ATXN1: variants seen among roughly 807,000 people sequenced by gnomAD.
The protein encoded by ATXN1 is ataxin-1.
ATXN1 carries 8 observed loss-of-function variants against 56.4 expected under a neutral mutation model. The ratio of observed to expected loss-of-function variants is 0.14; its 90% CI spans 0.08 to 0.26. The LOEUF is 0.26. Among genes scored for constraint, ATXN1 ranks in the 10% least tolerant of loss-of-function variants. The pLI is 1.00. For synonymous variants in ATXN1, 514 were observed against 494.6 expected, an observed-to-expected ratio of 1.04 and a Z score of -0.52; for missense variants, 987 against 1,106.5, an observed-to-expected ratio of 0.89 and a Z score of 1.53.
chr6:16,635,676 C>T (rs930769674), intron 3 of ATXN1, among the ~76,000 whole-genome samples: 2 of 152,194 alleles, frequency 1.3e-5, no homozygotes, highest in African/African-American at 4.8e-5. Context: ...ATTCTTTAGG[C>T]AGGACATTGA....
At chr6:16,439,372 GCGGGGCGGGAATAAGGGTT>G (rs1561896196) in intron 6 of ATXN1, among the ~76,000 whole-genome samples, 12 of 28,444 alleles carry the variant, frequency 4.2e-4, no homozygotes, top group African/African-American at 8.4e-4. Flanking sequence ...GGGGCCGGGG[GCGGGGCGGGAATAAGGGTT>G]GGGGTGGGGT....
At chr6:16,381,136 A>G (rs935718267) in intron 6 of ATXN1, among the ~76,000 whole-genome samples, 1 of 152,174 alleles carries the variant, frequency 6.6e-6, no homozygotes, top group Non-Finnish European at 1.5e-5. Context: ...CTATTACAAA[A>G]ATTAGCCTGG....
At position 16,760,690 on chromosome 6, in the gene ATXN1, G is replaced by A. The variant is rs1761061911; in HGVS notation, c.-730+608C>T. Among the ~76,000 whole-genome samples, 1 of 150,938 alleles carries A rather than the reference G, an allele frequency of 6.6e-6. No homozygotes were observed. Among genetic ancestry groups the A allele is most frequent in the Non-Finnish European group, 1.5e-5 (1 of 67,608 alleles). ...CGAGGGGAGACCCCCGCCCCAGGGC[G>A]CCGAGGCCGGGCGACCACCCGCGGA... On this transcript the variant is annotated intron_variant, in intron 1 of 7. Transcript: ENST00000436367. The surrounding 1 kb of genome is among the most constrained non-coding windows in gnomAD (Gnocchi z 5.3).
At chr6:16,431,771 T>C (rs1318090293) in intron 6 of ATXN1, among the ~76,000 whole-genome samples, 3 of 152,246 alleles carry the variant, frequency 2.0e-5, no homozygotes, top group Admixed American at 2.0e-4. Flanking sequence ...TTCGCCACTA[T>C]GCAACTGTGC....
chr6:16,444,111 G>A (rs1391901505), intron 6 of ATXN1, among the ~76,000 whole-genome samples: 6 of 79,826 alleles, frequency 7.5e-5, no homozygotes, highest in South Asian at 4.5e-4. Flanking sequence ...GCGAGGCTCC[G>A]TCTCAAAAAA....
chr6:16,315,454 C>A (rs1760487334), intron 7 of ATXN1, among the ~76,000 whole-genome samples: 1 of 152,196 alleles, frequency 6.6e-6, no homozygotes, highest in African/African-American at 2.4e-5. Context: ...CTGATGTGGT[C>A]TGCATGTGCC....
At chr6:16,586,295 T>C (rs758978940) in intron 3 of ATXN1, among the ~76,000 whole-genome samples, 2 of 152,214 alleles carry the variant, frequency 1.3e-5, no homozygotes, top group East Asian at 1.9e-4. Context: ...GTCAGAAACA[T>C]TGCTGAATTT....
At chr6:16,319,193 G>A (rs1760588068) in intron 7 of ATXN1, among the ~76,000 whole-genome samples, 1 of 151,806 alleles carries the variant, frequency 6.6e-6, no homozygotes, top group Non-Finnish European at 1.5e-5. Context: ...ACTCCAGCCT[G>A]GGCAACAGAG....
chr6:16,704,293 G>A (rs1179040417), intron 2 of ATXN1, among the ~76,000 whole-genome samples: 2 of 151,952 alleles, frequency 1.3e-5, no homozygotes, highest in Non-Finnish European at 2.9e-5. Flanking sequence ...GCTGTTTTAC[G>A]GAGCAGTTCC....
intron 6 of ATXN1, among the ~76,000 whole-genome samples, chr6:16,350,025 A>T (rs1323310248): frequency 6.6e-6 from 1 of 152,250 alleles, no homozygotes; most frequent in Non-Finnish European, 1.5e-5. Flanking sequence ...ATAAAAACAT[A>T]AAATATGACT....
intron 7 of ATXN1, among the ~76,000 whole-genome samples, chr6:16,317,159 T>G (rs1030460429): frequency 6.6e-6 from 1 of 152,114 alleles, no homozygotes; most frequent in Non-Finnish European, 1.5e-5. Flanking sequence ...GGTTTCTGAT[T>G]AAATCCCAAT....
chr6:16,417,721 AGCCACCACACGTG>A (rs1758943186), intron 6 of ATXN1, among the ~76,000 whole-genome samples: 2 of 152,248 alleles, frequency 1.3e-5, no homozygotes, highest in South Asian at 4.1e-4. Context: ...TATAGGCGTG[AGCCACCACACGTG>A]GCCACAACTT....
At chr6:16,751,875 C>T (rs960252438) in intron 2 of ATXN1, among the ~76,000 whole-genome samples, 9 of 152,170 alleles carry the variant, frequency 5.9e-5, no homozygotes, top group African/African-American at 2.2e-4. Flanking sequence ...ACTATTCTAC[C>T]CACAGTATAT....
At chr6:16,338,832 G>A (rs895371864) in intron 6 of ATXN1, among the ~76,000 whole-genome samples, 5 of 152,104 alleles carry the variant, frequency 3.3e-5, no homozygotes. Context: ...AGTGATGGGT[G>A]TTTGAGAGTT....
intron 5 of ATXN1, among the ~76,000 whole-genome samples, chr6:16,491,346 G>A (rs944949412): frequency 4.7e-5 from 7 of 148,942 alleles, no homozygotes; most frequent in East Asian, 1.9e-4. Context: ...GTGCAATGGC[G>A]CAATCTCAGC....
At chr6:16,677,351 G>C (rs975202776) in intron 2 of ATXN1, among the ~76,000 whole-genome samples, 2 of 152,138 alleles carry the variant, frequency 1.3e-5, no homozygotes, top group Admixed American at 6.6e-5. Context: ...GTAGGTAAGA[G>C]GACAGGGAGG....
chr6:16,629,968 A>G (rs1763476742), intron 3 of ATXN1, among the ~76,000 whole-genome samples: 1 of 152,098 alleles, frequency 6.6e-6, no homozygotes, highest in Non-Finnish European at 1.5e-5. Context: ...TAGAGTCTGT[A>G]TAACCTTCTT....
intron 6 of ATXN1, among the ~76,000 whole-genome samples, chr6:16,398,049 C>T (rs1758491153): frequency 6.6e-6 from 1 of 152,198 alleles, no homozygotes; most frequent in African/African-American, 2.4e-5. Context: ...GACTTTACCA[C>T]AGGTTATTGC....
At chr6:16,356,641 T>C (rs892581435) in intron 6 of ATXN1, among the ~76,000 whole-genome samples, 1 of 152,046 alleles carries the variant, frequency 6.6e-6, no homozygotes, top group Non-Finnish European at 1.5e-5. Flanking sequence ...TAAAGAAACA[T>C]AAGGACAAAT....
Sources: gnomAD v4.1 joint callset for allele counts (sites outside exome capture counted in the v4.1 genomes callset) on GRCh38, gnomAD v4.1.1 for gene constraint, Gnocchi (gnomAD v3.1) non-coding constraint, MANE v1.5 for transcripts, NCBI Gene and HGNC (gene_info 2026-07-23, HGNC 2026-07-21) for gene names.